Variants in TNS1 observed in about 807,000 individuals in gnomAD.
The protein encoded by TNS1 is tensin-1.
A neutral mutation model predicts 168.6 loss-of-function variants in TNS1; 62 were observed. The ratio of observed to expected loss-of-function variants is 0.37; its 90% CI spans 0.30 to 0.45. The LOEUF (loss-of-function observed/expected upper bound fraction) is 0.45, where lower values mean the gene tolerates loss of function less well. Among genes scored for constraint, TNS1 ranks in the 20% least tolerant of loss-of-function variants. The pLI is 1.00. For synonymous variants in TNS1, 934 were observed against 933.2 expected (o/e 1.00, Z -0.02); for missense variants, 2,240 against 2,339.4 (o/e 0.96, Z 0.88).
At chr2:217,843,478 T>C (rs1946256273) in intron 19 of TNS1, among the ~76,000 whole-genome samples, 1 of 152,248 alleles carries the variant, frequency 6.6e-6, no homozygotes, top group Non-Finnish European at 1.5e-5. Flanking sequence ...TCCTCTCTTA[T>C]CACAAAACCA....
At chr2:217,991,786 A>G (rs941672946) in intron 1 of TNS1, among the ~76,000 whole-genome samples, 2 of 151,506 alleles carry the variant, frequency 1.3e-5, no homozygotes, top group African/African-American at 4.9e-5. Context: ...CACCCTCTCC[A>G]CCATCCCCTG....
intron 19 of TNS1, among the ~76,000 whole-genome samples, chr2:217,845,308 C>T (rs146599328): frequency 4.1e-4 from 63 of 152,314 alleles, no homozygotes; most frequent in Non-Finnish European, 7.1e-4. Context: ...CAGCTTCTTA[C>T]GGCAGAGATG....
intron 18 of TNS1, among the ~76,000 whole-genome samples, chr2:217,869,103 C>T (rs1270895259): frequency 1.3e-5 from 2 of 152,192 alleles, no homozygotes; most frequent in Non-Finnish European, 2.9e-5. Flanking sequence ...AGCCTTTTCC[C>T]ATAAACAGCC....
chr2:217,960,159 T>C (rs2126000139), intron 3 of TNS1, among the ~76,000 whole-genome samples: 1 of 152,104 alleles, frequency 6.6e-6, no homozygotes, highest in African/African-American at 2.4e-5. Context: ...AGAAGGAGTG[T>C]CCCCGACTCA....
intron 19 of TNS1, 147 bp downstream of exon 19, chr2:217,847,363 G>A: frequency 4.3e-6 from 3 of 699,220 alleles, no homozygotes; most frequent in Non-Finnish European, 6.3e-6. Context: ...TGCAGGAAGG[G>A]ATAACTGGCT....
intron 18 of TNS1, among the ~76,000 whole-genome samples, chr2:217,859,043 A>G (rs57319322): frequency 0.46 from 63,123 of 137,990 alleles, 13,470 homozygotes; most frequent in Middle Eastern, 0.56. Context: ...AGCCCAGCCC[A>G]GCCCCACCGG....
At chr2:217,913,716 G>C (rs969004300) in intron 4 of TNS1, among the ~76,000 whole-genome samples, 1 of 151,980 alleles carries the variant, frequency 6.6e-6, no homozygotes, top group Admixed American at 6.5e-5. Flanking sequence ...TCCCCAGTGT[G>C]GTTTGTGGAC....
intron 1 of TNS1, among the ~76,000 whole-genome samples, chr2:218,018,729 G>T (rs758267369): frequency 1.3e-5 from 2 of 152,296 alleles, no homozygotes; most frequent in South Asian, 4.1e-4. Flanking sequence ...GATAGAAAGG[G>T]GACAGACACA....
At chr2:217,927,943 A>G (rs562554043) in intron 3 of TNS1, among the ~76,000 whole-genome samples, 3 of 152,352 alleles carry the variant, frequency 2.0e-5, no homozygotes, top group East Asian at 1.9e-4. Context: ...CCATGCCCAT[A>G]TGAAGAAATA....
intron 21 of TNS1, 80 bp from the exon 22 acceptor site, chr2:217,831,627 C>G: frequency 8.5e-7 from 1 of 1,173,590 alleles, no homozygotes; most frequent in Non-Finnish European, 1.1e-6. Flanking sequence ...TGAGGGCACG[C>G]TTAGTGAGGG....
intron 31 of TNS1, 49 bp from the exon 32 acceptor site, chr2:217,808,156 G>C: frequency 6.2e-7 from 1 of 1,604,146 alleles, no homozygotes; most frequent in East Asian, 2.2e-5. Context: ...TTTCTCCCTA[G>C]AGCCCAGCCC....
chr2:217,906,710 C>T (rs1953750999), intron 5 of TNS1, among the ~76,000 whole-genome samples: 1 of 152,096 alleles, frequency 6.6e-6, no homozygotes, highest in African/African-American at 2.4e-5. Flanking sequence ...AACCGAAGTC[C>T]TTCATCTCCA....
intron 3 of TNS1, among the ~76,000 whole-genome samples, chr2:217,921,932 G>A (rs933838482): frequency 6.6e-6 from 1 of 152,178 alleles, no homozygotes; most frequent in African/African-American, 2.4e-5. Context: ...CAGCTGATAA[G>A]TGGCCGAGAT....
Position 217,847,875 on chromosome 2 carries a change from G to A in TNS1, c.2642C>T (p.Ser881Phe). 6.4e-7 allele frequency: 1 copy of A among 1,570,224 alleles called. No individual in the cohort carries two copies. The change falls in exon 19 of 33, where the codon TCC (serine) becomes TTC (phenylalanine). Residue 881 changes from serine to phenylalanine, a missense_variant. Physicochemically the swap from Ser to Phe is radical, Grantham distance 155. This residue lies in a region of TNS1 where 2,131 missense variants were observed against 2,171.2 expected (regional missense o/e 0.98). Coordinates refer to ENST00000682258, the MANE Select transcript of TNS1 (RefSeq NM_001387777.1). ...AGATCTGGACTGGGTCAGTGGATGG[G>A]ACTGACGGGAGGATCCAGAGAGGGG... ...SQPLSGSSRQSHPLTQSRSGY... is the reference protein window; with the variant it reads ...SQPLSGSSRQFHPLTQSRSGY...
chr2:218,012,980 G>A (rs1341401718), upstream of TNS1, among the ~76,000 whole-genome samples: 1 of 152,008 alleles, frequency 6.6e-6, no homozygotes, highest in Non-Finnish European at 1.5e-5. Context: ...ATGCACGGTG[G>A]CTCACACCTG....
At chr2:217,965,377 T>C (rs1559391322) in intron 3 of TNS1, among the ~76,000 whole-genome samples, 1 of 151,952 alleles carries the variant, frequency 6.6e-6, no homozygotes, top group South Asian at 2.1e-4. Flanking sequence ...GATTTCAGAG[T>C]GGGAGTGACT....
At chr2:217,858,700 A>ACACACACACACACCCC (rs1212064824) in intron 18 of TNS1, 10 of 188,328 alleles carry the variant, frequency 5.3e-5, no homozygotes, top group Admixed American at 4.9e-4. Flanking sequence ...ACACACACAC[A>ACACACACACACACCCC]CCCCACTCCC....
chr2:217,848,361 T>C lies in TNS1; in HGVS notation c.2156A>G (p.Glu719Gly). Residue 719 changes from glutamate to glycine, a missense_variant, in exon 19 of 33, where the codon GAG (glutamate) becomes GGG (glycine). Transcript: ENST00000682258. Reference protein sequence around the residue: ...AQEGLAGYQREGPHPAWPQPV... With the variant: ...AQEGLAGYQRGGPHPAWPQPV... Reference sequence around the variant, plus strand: ...CTGTGGCCAGGCTGGGTGGGGCCCCTCCCTCTGGTAGCCAGCTAAACCCTC... The same window carrying C: ...CTGTGGCCAGGCTGGGTGGGGCCCCCCCCTCTGGTAGCCAGCTAAACCCTC... 4 of 1,541,008 alleles carry C rather than the reference T, an allele frequency of 2.6e-6. No individual in the cohort carries two copies. The highest frequency in any genetic ancestry group is 3.5e-6 in the Non-Finnish European group (4 of 1,141,840).
Position 217,880,832 on chromosome 2 carries a change from G to T in TNS1, c.1429+66C>A. The T allele has an allele frequency of 7.9e-7, 1 of 1,261,978 alleles. No individual in the cohort carries two copies. Among genetic ancestry groups the T allele is most frequent in the Non-Finnish European group, 1.2e-6 (1 of 864,750 alleles). The allele number at this position is 1,261,978 out of a possible 1,614,324, so 78.2% of individuals were successfully genotyped here. A position where few individuals can be genotyped will look rare whatever the true frequency, so the allele number is the denominator to read the frequency against. On this transcript the variant is annotated intron_variant, in intron 18 of 32. Transcript: ENST00000682258. This position sits in a 1 kb window ranked among gnomAD's most constrained non-coding sequence, Gnocchi z 4.2. ...ATCTCTTGAAAGCAGGCCAAGAGAA[G>T]CAAGGTCATGTGAGCAGAGGCTGTG...
Sources: gnomAD v4.1 joint callset for allele counts (sites outside exome capture counted in the v4.1 genomes callset) on GRCh38, gnomAD v4.1.1 for gene constraint, gnomAD v4.1.1 regional missense constraint, Gnocchi (gnomAD v3.1) non-coding constraint, MANE v1.5 for transcripts, NCBI Gene and HGNC (gene_info 2026-07-23, HGNC 2026-07-21) for gene names.